The following SBF2 variants were observed in gnomAD, a reference collection of about 807,000 sequenced individuals.
The protein encoded by SBF2 is myotubularin-related protein 13.
SBF2 carries 112 observed loss-of-function variants against 225.2 expected under a neutral mutation model. That is an observed-to-expected ratio of 0.50 (90% CI 0.43 to 0.58). SBF2 has a LOEUF of 0.58. Ranked by LOEUF, SBF2 falls within the 20% of genes least tolerant of loss-of-function variation. The pLI, the probability that SBF2 is intolerant of heterozygous loss-of-function variation, is 0.00. For synonymous variants in SBF2, 763 were observed against 773.3 expected (o/e 0.99, Z 0.22); for missense variants, 1,996 against 2,206.2 (o/e 0.90, Z 1.91).
chr11:10,200,356 C>G (rs1025388986), intron 1 of SBF2, among the ~76,000 whole-genome samples: 5 of 152,136 alleles, frequency 3.3e-5, no homozygotes, highest in African/African-American at 9.7e-5. Context: ...AGCACTCCAA[C>G]CTGAACATAA....
chr11:10,014,239 T>C (rs974873607), intron 6 of SBF2, among the ~76,000 whole-genome samples: 4 of 152,142 alleles, frequency 2.6e-5, no homozygotes, highest in Admixed American at 2.6e-4. Context: ...TAGATGGAGC[T>C]AGGAAATATA....
At chr11:9,959,555 A>C in intron 16 of SBF2, 2 of 776,084 alleles carry the variant, frequency 2.6e-6, no homozygotes, top group South Asian at 2.7e-5. Context: ...AAGGGGTCCC[A>C]AAACATGGCA....
At chr11:10,009,851 A>T (rs1948367503) in intron 6 of SBF2, among the ~76,000 whole-genome samples, 1 of 148,496 alleles carries the variant, frequency 6.7e-6, no homozygotes, top group African/African-American at 2.4e-5. Context: ...ACAATGGTTG[A>T]ACTAATTTAC....
At chr11:10,135,150 G>C (rs1394532107) in intron 2 of SBF2, among the ~76,000 whole-genome samples, 2 of 152,236 alleles carry the variant, frequency 1.3e-5, no homozygotes, top group African/African-American at 4.8e-5. Flanking sequence ...AGGGCTTGCA[G>C]CCTCTGAAGC....
At chr11:10,212,454 A>C (rs1301376142) in intron 1 of SBF2, among the ~76,000 whole-genome samples, 22 of 152,166 alleles carry the variant, frequency 1.4e-4, no homozygotes. Flanking sequence ...CTATGAAGAA[A>C]ATTAATTGTG....
At chr11:10,161,039 T>C (rs1383412946) in intron 2 of SBF2, among the ~76,000 whole-genome samples, 1 of 151,794 alleles carries the variant, frequency 6.6e-6, no homozygotes, top group Non-Finnish European at 1.5e-5. Context: ...ATACAAAAAT[T>C]AGCTAGGCTT....
upstream of SBF2, among the ~76,000 whole-genome samples, chr11:10,295,847 G>T (rs1964510385): frequency 6.6e-6 from 1 of 151,994 alleles, no homozygotes; most frequent in Non-Finnish European, 1.5e-5. Context: ...AGATTTTTAA[G>T]GCAGCTATCA....
At chr11:10,144,618 T>C (rs539525792) in intron 2 of SBF2, among the ~76,000 whole-genome samples, 7 of 152,360 alleles carry the variant, frequency 4.6e-5, no homozygotes, top group Admixed American at 4.6e-4. Context: ...TGAGAAATGT[T>C]TGCTGAGTGA....
chr11:9,988,077 G>A (rs1242689481), intron 13 of SBF2, among the ~76,000 whole-genome samples: 1 of 152,068 alleles, frequency 6.6e-6, no homozygotes, highest in East Asian at 1.9e-4. Flanking sequence ...ATAGACCAAT[G>A]GAACAGAATA....
intron 1 of SBF2, among the ~76,000 whole-genome samples, chr11:10,199,195 C>T (rs1195439518): frequency 6.6e-6 from 1 of 152,058 alleles, no homozygotes; most frequent in Non-Finnish European, 1.5e-5. Context: ...ACTGGCGTGC[C>T]TCAAGGAATA....
rs555968999 is a variant in SBF2 at position 10,057,150 on chromosome 11, C to T, written c.142-14169G>A. Reference sequence around the variant, plus strand: ...AATCTGAGGTGACTAGAGACTGCAGCGGGCCCCAAGCATACTGTAGCAGCC... The same window carrying T: ...AATCTGAGGTGACTAGAGACTGCAGTGGGCCCCAAGCATACTGTAGCAGCC... On this transcript the variant is annotated intron_variant, in intron 2 of 39. Transcript: ENST00000256190. Among the ~76,000 whole-genome samples, 11 of 152,086 alleles carry T rather than the reference C, an allele frequency of 7.2e-5. No homozygotes were observed. In the South Asian group the frequency reaches 2.1e-3, roughly 29 times the overall value.
intron 1 of SBF2, among the ~76,000 whole-genome samples, chr11:10,196,860 ATATATAT>A (rs1431664642): frequency 1.5e-4 from 2 of 13,650 alleles, no homozygotes; most frequent in African/African-American, 2.5e-4. Context: ...ATATATATAT[ATATATAT>A]TTTTTTTTTC....
intron 1 of SBF2, among the ~76,000 whole-genome samples, chr11:10,264,698 T>C (rs1961792649): frequency 6.6e-6 from 1 of 152,202 alleles, no homozygotes; most frequent in African/African-American, 2.4e-5. Context: ...ACTCGTCACC[T>C]ACATTAGGTA....
chr11:10,115,751 C>T (rs1953107197), intron 2 of SBF2, among the ~76,000 whole-genome samples: 1 of 152,158 alleles, frequency 6.6e-6, no homozygotes, highest in Non-Finnish European at 1.5e-5. Context: ...ATATATCTTT[C>T]ACACTTTAAT....
Position 9,815,309 on chromosome 11 carries a change from A to G in SBF2, c.3978+1531T>C, listed in dbSNP as rs996749124. 9.3e-5 allele frequency among the ~76,000 whole-genome samples: 12 copies of G among 129,704 alleles called. No homozygotes were observed. In the South Asian group the frequency reaches 1.2e-3, roughly 13 times the overall value. The allele number at this position is 129,704 out of a possible 152,430, so 85.1% of individuals were successfully genotyped here. Reference sequence around the variant, plus strand: ...AAAAAAAAAAAAAAAAAAAAAAAAAAGCTGGGCGTGGTGACGCGTGCCTGT... The same window carrying G: ...AAAAAAAAAAAAAAAAAAAAAAAAAGGCTGGGCGTGGTGACGCGTGCCTGT... On this transcript the variant is annotated intron_variant, in intron 29 of 39. Coordinates refer to ENST00000256190, the MANE Select transcript of SBF2 (RefSeq NM_030962.4).
At chr11:9,807,923 C>G (rs1442257031) in intron 32 of SBF2, 77 bp downstream of exon 32, 54 of 1,289,480 alleles carry the variant, frequency 4.2e-5, no homozygotes, top group Non-Finnish European at 6.0e-5. Context: ...CCGGGCACAC[C>G]ATCGCAATGC....
At chr11:10,252,955 C>G (rs1268153317) in intron 1 of SBF2, among the ~76,000 whole-genome samples, 2 of 151,994 alleles carry the variant, frequency 1.3e-5, no homozygotes, top group Non-Finnish European at 2.9e-5. Context: ...CACCACGTGG[C>G]TGCACTGGAG....
chr11:9,871,149 A>G (rs2134049073), intron 17 of SBF2, among the ~76,000 whole-genome samples: 1 of 152,260 alleles, frequency 6.6e-6, no homozygotes, highest in East Asian at 1.9e-4. Flanking sequence ...GACAAATGGG[A>G]TCTAATTAAA....
intron 1 of SBF2, among the ~76,000 whole-genome samples, chr11:10,266,550 C>T (rs1962011421): frequency 6.6e-6 from 1 of 152,060 alleles, no homozygotes; most frequent in African/African-American, 2.4e-5. Flanking sequence ...TACAAAGTGA[C>T]ATAAACATTC....
Sources: allele counts gnomAD v4.1 joint callset (sites outside exome capture counted in the v4.1 genomes callset), GRCh38; gene constraint gnomAD v4.1.1; transcripts MANE v1.5; gene names NCBI Gene and HGNC (gene_info 2026-07-23, HGNC 2026-07-21).